The following EPRS1 variants were observed in gnomAD, a reference collection of about 807,000 sequenced individuals.
EPRS1 encodes the protein bifunctional glutamate/proline--tRNA ligase.
EPRS1 carries 107 observed loss-of-function variants against 188.3 expected under a neutral mutation model. The observed-to-expected ratio is 0.57, with a 90% CI of 0.49 to 0.67. EPRS1 has a LOEUF of 0.67. Among genes scored for constraint, EPRS1 ranks in the 30% least tolerant of loss-of-function variants. EPRS1 has a pLI of 0.00. For synonymous variants in EPRS1, 596 were observed against 593.1 expected, an observed-to-expected ratio of 1.00 and a Z score of -0.07; for missense variants, 1,577 against 1,802.2, an observed-to-expected ratio of 0.88 and a Z score of 2.26.
At chr1:220,031,628 A>G (rs779715084) in intron 5 of EPRS1, among the ~76,000 whole-genome samples, 7 of 152,242 alleles carry the variant, frequency 4.6e-5, no homozygotes, top group Non-Finnish European at 8.8e-5. Context: ...CCTTAATTAA[A>G]TCAAAACTTT....
At chr1:219,977,558 AG>A (rs1303643156) in intron 28 of EPRS1, among the ~76,000 whole-genome samples, 5 of 152,224 alleles carry the variant, frequency 3.3e-5, no homozygotes, top group Non-Finnish European at 7.3e-5. Context: ...ATTAGTTTAG[AG>A]AAACTGCTAC....
chr1:219,978,314 A>C (rs1381938364), intron 28 of EPRS1, among the ~76,000 whole-genome samples: 1 of 152,198 alleles, frequency 6.6e-6, no homozygotes, highest in African/African-American at 2.4e-5. Context: ...GATCGTTTTT[A>C]TTCTAACATA....
Position 219,984,992 on chromosome 1 carries a change from C to T in EPRS1, c.3039-735G>A, listed in dbSNP as rs577560056. Among the ~76,000 whole-genome samples, 23 of 149,500 alleles carry T rather than the reference C, an allele frequency of 1.5e-4. No individual in the cohort carries two copies. In the South Asian group the frequency reaches 4.4e-3, roughly 29 times the overall value. The stretch of plus-strand genomic sequence containing the variant: ...CTGGGAGGTAAAGGCTGCAGTGAGC[C>T]GAGATTGCGCCATTGCACTCCAGCC... On this transcript the variant is annotated intron_variant, in intron 20 of 31. Transcript: ENST00000366923.
chr1:219,999,088 T>C (rs1661294496), intron 17 of EPRS1, among the ~76,000 whole-genome samples: 1 of 152,066 alleles, frequency 6.6e-6, no homozygotes, highest in Non-Finnish European at 1.5e-5. Context: ...TTCATATAAG[T>C]GCCTTCCTTT....
At chr1:220,030,869 A>G (rs4846612) in intron 5 of EPRS1, among the ~76,000 whole-genome samples, 1 of 152,052 alleles carries the variant, frequency 6.6e-6, no homozygotes. Flanking sequence ...AGGATGGCAG[A>G]TCACTTGAGG....
At chr1:220,034,538 T>C (rs1662141087) in intron 3 of EPRS1, among the ~76,000 whole-genome samples, 1 of 152,192 alleles carries the variant, frequency 6.6e-6, no homozygotes, top group Admixed American at 6.5e-5. Context: ...GGATCCAAAC[T>C]ATGCGTGTTA....
At chr1:220,044,694 A>AAC (rs1194031350) in intron 1 of EPRS1, among the ~76,000 whole-genome samples, 17 of 112,796 alleles carry the variant, frequency 1.5e-4, no homozygotes, top group African/African-American at 7.1e-4. Context: ...AAAAAAAAAA[A>AAC]AAAAAAAAAA....
intron 5 of EPRS1, among the ~76,000 whole-genome samples, chr1:220,030,764 T>C (rs776610842): frequency 2.0e-5 from 3 of 152,182 alleles, no homozygotes; most frequent in Non-Finnish European, 4.4e-5. Flanking sequence ...AGAACCAAGC[T>C]GGACCTCGAA....
At position 219,968,814 on chromosome 1, in the gene EPRS1, T is replaced by C. The variant is rs1338635646; in HGVS notation, c.4531A>G (p.Ser1511Gly). 3 of 1,614,138 alleles carry C rather than the reference T, an allele frequency of 1.9e-6. No homozygotes were observed. In the Admixed American group the frequency reaches 5.0e-5, roughly 27 times the overall value. The part of the protein sequence containing the change: ...PAKYYTLFGR[S>G]Y ...GGGCTTTCGTTCATCCCTCAGTAGC[T>C]GCGACCAAATAAGGTGTAGTACTTG... Residue 1511 changes from serine to glycine, a missense_variant, in exon 32 of 32, where the codon AGC becomes GGC. Around this residue, in one of 3 missense-constraint regions of EPRS1, gnomAD observed 296 missense variants for 327.9 expected, o/e 0.90. Transcript: ENST00000366923.
intron 12 of EPRS1, among the ~76,000 whole-genome samples, chr1:220,015,794 T>TA (rs11325774): frequency 0.011 from 1,635 of 146,950 alleles, 17 homozygotes; most frequent in Non-Finnish European, 0.017. Context: ...GAAGGTAATA[T>TA]AAAAAAAAAA....
intron 12 of EPRS1, among the ~76,000 whole-genome samples, chr1:220,012,532 C>T (rs192735427): frequency 1.3e-5 from 2 of 152,308 alleles, no homozygotes; most frequent in African/African-American, 4.8e-5. Flanking sequence ...TTTCAGAAAT[C>T]TAATTTTTAA....
intron 28 of EPRS1, among the ~76,000 whole-genome samples, chr1:219,974,923 A>G (rs191933225): frequency 1.3e-5 from 2 of 152,194 alleles, no homozygotes; most frequent in Admixed American, 6.5e-5. Context: ...GCAGTGAGAG[A>G]ATATTCCTCA....
rs151220282 is a variant in EPRS1 at position 219,978,443 on chromosome 1, T to C, written c.4083+103A>G. ...AGAAGAAAACTCACAACTATCAAAA[T>C]AGAGGAAAGTAATGAGAAACCTCGT... On this transcript the variant is annotated intron_variant, in intron 28 of 31. Transcript: ENST00000366923. 1.0e-3 allele frequency: 885 copies of C among 842,858 alleles called. 3 individuals carry two copies. Among genetic ancestry groups the C allele is most frequent in the African/African-American group, 9.1e-3 (517 of 56,598 alleles). 52.2% of individuals were successfully genotyped at this position (842,858 alleles called of 1,614,324 possible). A position where few individuals can be genotyped will look rare whatever the true frequency, so the allele number is the denominator to read the frequency against.
At chr1:220,025,724 A>G (rs1255435682) in intron 6 of EPRS1, among the ~76,000 whole-genome samples, 2 of 152,182 alleles carry the variant, frequency 1.3e-5, no homozygotes, top group African/African-American at 4.8e-5. Flanking sequence ...CTAAATGAAA[A>G]GAGCACATGA....
At chr1:219,984,160 C>G in intron 21 of EPRS1, 46 bp downstream of exon 21, 2 of 1,351,502 alleles carry the variant, frequency 1.5e-6, no homozygotes, top group East Asian at 4.6e-5. Context: ...TAAAAAGCAG[C>G]CATTGACAGA....
intron 10 of EPRS1, among the ~76,000 whole-genome samples, chr1:220,019,322 A>C (rs1661809687): frequency 6.6e-6 from 1 of 152,168 alleles, no homozygotes; most frequent in South Asian, 2.1e-4. Flanking sequence ...GCACATTTGA[A>C]AAAAAAGACA....
At position 219,979,483 on chromosome 1, in the gene EPRS1, C is replaced by T; in HGVS notation, c.3844G>A (p.Val1282Ile). 6.2e-7 allele frequency: 1 copy of T among 1,614,064 alleles called. No individual in the cohort carries two copies. Among genetic ancestry groups the T allele is most frequent in the Non-Finnish European group, 8.5e-7 (1 of 1,179,984 alleles). ...SWGLTTRTIG[V>I]MTMVHGDNMG... is the part of the protein sequence containing the mutation. ...TTGTCCCCATGAACCATGGTCATAA[C>T]ACCAATAGTTCGAGTTGTCAGGCCC... The change falls in exon 27 of 32, where the codon GTT becomes ATT. Residue 1282 changes from valine (V) to isoleucine (I), a missense_variant. This residue lies in a region of EPRS1 where 296 missense variants were observed against 327.9 expected (regional missense o/e 0.90). Transcript: ENST00000366923.
intron 30 of EPRS1, among the ~76,000 whole-genome samples, chr1:219,970,694 C>T (rs1192263789): frequency 1.3e-5 from 2 of 151,386 alleles, no homozygotes; most frequent in African/African-American, 2.4e-5. Context: ...AGGAGAATCG[C>T]TTGAACTCGG....
chr1:219,977,328 T>A (rs1238658352), intron 28 of EPRS1, among the ~76,000 whole-genome samples: 1 of 151,990 alleles, frequency 6.6e-6, no homozygotes, highest in Non-Finnish European at 1.5e-5. Context: ...AAGACCCAAC[T>A]CATACTAAGA....
Sources: gnomAD v4.1 joint callset for allele counts (sites outside exome capture counted in the v4.1 genomes callset) on GRCh38, gnomAD v4.1.1 for gene constraint, gnomAD v4.1.1 regional missense constraint, MANE v1.5 for transcripts, NCBI Gene and HGNC (gene_info 2026-07-23, HGNC 2026-07-21) for gene names.